Variants in AFF3 observed in about 807,000 individuals in gnomAD.
AFF3 encodes AF4/FMR2 family member 3.
Under a neutral mutation model 129.7 loss-of-function variants are expected in AFF3, and 32 were observed. The ratio of observed to expected loss-of-function variants is 0.25; its 90% CI spans 0.19 to 0.33. The LOEUF (loss-of-function observed/expected upper bound fraction) is 0.33. AFF3 is among the 10% of genes least tolerant of loss of function. The probability of loss-of-function intolerance (pLI) is 1.00; values close to 1 mark genes in which losing one functional copy is unlikely to be tolerated. For missense variants in AFF3, 1,373 were observed against 1,592.0 expected, an observed-to-expected ratio of 0.86 and a Z score of 2.34; for synonymous variants, 644 against 635.4, an observed-to-expected ratio of 1.01 and a Z score of -0.20.
chr2:99,918,007 T>C (rs1399542255), intron 7 of AFF3, among the ~76,000 whole-genome samples: 1 of 151,962 alleles, frequency 6.6e-6, no homozygotes, highest in African/African-American at 2.4e-5. Context: ...TAGTGCACAA[T>C]CAATTCTGAT....
intron 8 of AFF3, among the ~76,000 whole-genome samples, chr2:99,771,413 G>A (rs149879686): frequency 1.2e-4 from 17 of 142,172 alleles, no homozygotes; most frequent in Non-Finnish European, 1.4e-4. Flanking sequence ...AAATGAAGAA[G>A]AAAAAAAAAA....
chr2:99,790,862 T>C (rs1213239465), intron 8 of AFF3, among the ~76,000 whole-genome samples: 2 of 152,202 alleles, frequency 1.3e-5, no homozygotes, highest in African/African-American at 4.8e-5. Flanking sequence ...GCACACGGCA[T>C]AGCTTTATGT....
chr2:100,118,349 T>A (rs1691808034), intron 2 of AFF3, among the ~76,000 whole-genome samples: 1 of 152,230 alleles, frequency 6.6e-6, no homozygotes, highest in Non-Finnish European at 1.5e-5. Context: ...TGAGCAAATC[T>A]GGTTCTAATC....
intron 19 of AFF3, among the ~76,000 whole-genome samples, chr2:99,566,477 G>T (rs1322014855): frequency 1.3e-5 from 2 of 152,216 alleles, no homozygotes; most frequent in Admixed American, 1.3e-4. Context: ...GAGCCTGGAA[G>T]TTTGAGGTTC....
intron 7 of AFF3, among the ~76,000 whole-genome samples, chr2:99,913,549 T>G (rs1404743692): frequency 9.2e-5 from 14 of 152,210 alleles, no homozygotes; most frequent in Admixed American, 9.2e-4. Context: ...AGTCTAGCTC[T>G]GTCCAATGAA....
chr2:99,598,415 A>G (rs1362906721), intron 14 of AFF3, among the ~76,000 whole-genome samples: 2 of 152,336 alleles, frequency 1.3e-5, no homozygotes, highest in African/African-American at 2.4e-5. Flanking sequence ...TCTGAGACCA[A>G]TGAAGCCCAC....
intron 4 of AFF3, among the ~76,000 whole-genome samples, chr2:100,009,902 C>A (rs1682356947): frequency 6.6e-6 from 1 of 152,198 alleles, no homozygotes; most frequent in South Asian, 2.1e-4. Flanking sequence ...TTAAGATGAG[C>A]TCTGTCCTCC....
chr2:100,002,148 A>C (rs935950519), intron 7 of AFF3, among the ~76,000 whole-genome samples: 2 of 152,238 alleles, frequency 1.3e-5, no homozygotes, highest in African/African-American at 4.8e-5. Context: ...AGCAAACTTC[A>C]ATTTGAAAAC....
chr2:99,921,677 G>A (rs564899073), intron 7 of AFF3, among the ~76,000 whole-genome samples: 1 of 152,168 alleles, frequency 6.6e-6, no homozygotes, highest in Middle Eastern at 3.4e-3. Context: ...GACACTTCTT[G>A]TAACACAGAA....
intron 7 of AFF3, among the ~76,000 whole-genome samples, chr2:99,956,527 T>C (rs1559008831): frequency 6.6e-6 from 1 of 152,232 alleles, no homozygotes; most frequent in African/African-American, 2.4e-5. Flanking sequence ...AAGCAAGTTA[T>C]GGTTTAAGGA....
intron 2 of AFF3, among the ~76,000 whole-genome samples, chr2:100,108,053 G>GCCCCTATAGCATCTCCTCCAGCTTTGT (rs1691379781): frequency 6.6e-6 from 1 of 151,518 alleles, no homozygotes; most frequent in Admixed American, 6.6e-5. Flanking sequence ...AGCTGCCTCA[G>GCCCCTATAGCATCTCCTCCAGCTTTGT]CCCCTACAGC....
At chr2:99,610,090 G>GTT (rs1680772196) in intron 13 of AFF3, among the ~76,000 whole-genome samples, 1 of 152,120 alleles carries the variant, frequency 6.6e-6, no homozygotes, top group African/African-American at 2.4e-5. Flanking sequence ...GCTGAGAATA[G>GTT]ATAACCACCT....
chr2:99,718,525 T>C (rs992318430), intron 11 of AFF3, among the ~76,000 whole-genome samples: 2 of 150,358 alleles, frequency 1.3e-5, no homozygotes, highest in African/African-American at 4.8e-5. Context: ...CTGATTCTAG[T>C]ACTTGTTTAG....
At chr2:99,710,850 C>A (rs1677826451) in intron 11 of AFF3, among the ~76,000 whole-genome samples, 1 of 152,200 alleles carries the variant, frequency 6.6e-6, no homozygotes, top group African/African-American at 2.4e-5. Flanking sequence ...GTGAGCACAG[C>A]TTTACTAAAA....
At chr2:99,850,585 T>A (rs1292677893) in intron 7 of AFF3, among the ~76,000 whole-genome samples, 1 of 152,246 alleles carries the variant, frequency 6.6e-6, no homozygotes, top group Admixed American at 6.5e-5. Context: ...ATGATTGATT[T>A]CATGTTCAAT....
At chr2:99,971,875 G>T (rs1678418157) in intron 7 of AFF3, among the ~76,000 whole-genome samples, 1 of 152,034 alleles carries the variant, frequency 6.6e-6, no homozygotes, top group Non-Finnish European at 1.5e-5. Context: ...AAGCTTTATG[G>T]CAGAAAAAAA....
At chr2:99,772,201 T>G (rs985987681) in intron 8 of AFF3, among the ~76,000 whole-genome samples, 1 of 152,158 alleles carries the variant, frequency 6.6e-6, no homozygotes, top group South Asian at 2.1e-4. Context: ...AGAGTGACGA[T>G]GAGCCCCGGG....
At chr2:99,872,834 A>G (rs971089086) in intron 7 of AFF3, among the ~76,000 whole-genome samples, 1 of 152,214 alleles carries the variant, frequency 6.6e-6, no homozygotes, top group Non-Finnish European at 1.5e-5. Flanking sequence ...CATCAAAAAA[A>G]TTCTTTAAGT....
intron 4 of AFF3, chr2:100,011,469 C>G (rs570367357): frequency 1.5e-5 from 12 of 780,904 alleles, no homozygotes; most frequent in Middle Eastern, 2.3e-4. Context: ...CTGGGCTTCT[C>G]AGAAGGCCCC....
Sources: gnomAD v4.1 joint callset for allele counts (sites outside exome capture counted in the v4.1 genomes callset) on GRCh38, gnomAD v4.1.1 for gene constraint, MANE v1.5 for transcripts, NCBI Gene and HGNC (gene_info 2026-07-23, HGNC 2026-07-21) for gene names.